Variants in LDB2 observed in about 807,000 individuals in gnomAD.
LDB2 encodes the protein LIM domain binding 2, also known as LIM domain-binding protein 2.
A neutral mutation model predicts 44.3 loss-of-function variants in LDB2; 12 were observed. The observed-to-expected ratio is 0.27, with a 90% CI of 0.17 to 0.44. The LOEUF (loss-of-function observed/expected upper bound fraction) is 0.44. LDB2 is among the 20% of genes least tolerant of loss of function. The pLI is 1.00. For synonymous variants in LDB2, 164 were observed against 174.8 expected (o/e 0.94, Z 0.49); for missense variants, 344 against 473.5 (o/e 0.73, Z 2.54).
chr4:16,606,201 C>T lies in LDB2; in HGVS notation c.236-10326G>A, dbSNP rs146406060. ...ATTTTTCTTTTATTAGTCAATAATA[C>T]GCTTTCAGCTTTAAATATGTTAGTG... On this transcript the variant is annotated intron_variant, in intron 2 of 7. Coordinates refer to ENST00000304523, the MANE Select transcript of LDB2 (RefSeq NM_001290.5). Among the ~76,000 whole-genome samples, 738 of 152,204 alleles carry T rather than the reference C, an allele frequency of 4.8e-3. 5 individuals are homozygous for T. The highest frequency in any genetic ancestry group is 0.017 in the African/African-American group (690 of 41,554).
rs995373194 is a variant in LDB2, at chr4:16,798,014, G to A, written c.133-38754C>T. On this transcript the variant is annotated intron_variant, in intron 1 of 7. Coordinates refer to ENST00000304523, the MANE Select transcript of LDB2 (RefSeq NM_001290.5). The stretch of plus-strand genomic sequence containing the variant: ...CATGCCACTGCACTCCAGCCTGGGC[G>A]ACAGAGCAAGACTCTGTCTCGAAAA... Among the ~76,000 whole-genome samples the A allele has an allele frequency of 7.0e-5, 10 of 142,390 alleles. No homozygotes were observed. The South Asian group carries it at 9.2e-4, about 13-fold the overall frequency. 93.4% of individuals were successfully genotyped at this position (142,390 alleles called of 152,430 possible). A position where few individuals can be genotyped will look rare whatever the true frequency, so the allele number is the denominator to read the frequency against.
chr4:16,714,909 C>T (rs1033633110), intron 2 of LDB2, among the ~76,000 whole-genome samples: 7 of 152,048 alleles, frequency 4.6e-5, no homozygotes, highest in Admixed American at 2.6e-4. Flanking sequence ...GATTTAGGAC[C>T]GCCTTAAATC....
chr4:16,815,835 G>A (rs1392433894), intron 1 of LDB2, among the ~76,000 whole-genome samples: 1 of 152,188 alleles, frequency 6.6e-6, no homozygotes, highest in Non-Finnish European at 1.5e-5. Flanking sequence ...ACAGTGACAT[G>A]TGGTCTTTCC....
At chr4:16,526,265 CCTT>C (rs1728204800) in intron 5 of LDB2, among the ~76,000 whole-genome samples, 1 of 152,056 alleles carries the variant, frequency 6.6e-6, no homozygotes, top group Non-Finnish European at 1.5e-5. Context: ...GCTGGGACAC[CCTT>C]CTTCTCCTGC....
chr4:16,629,305 T>C (rs182910452), intron 2 of LDB2, among the ~76,000 whole-genome samples: 5 of 152,266 alleles, frequency 3.3e-5, no homozygotes, highest in Non-Finnish European at 7.4e-5. Context: ...GCTCCAAAAA[T>C]GGACAGACTG....
intron 1 of LDB2, among the ~76,000 whole-genome samples, chr4:16,881,974 A>G (rs970278904): frequency 2.6e-5 from 4 of 152,230 alleles, no homozygotes; most frequent in African/African-American, 4.8e-5. Flanking sequence ...TCAATTAAAC[A>G]TAGGAATATG....
At chr4:16,591,608 G>A (rs1718976969) in intron 3 of LDB2, among the ~76,000 whole-genome samples, 1 of 152,106 alleles carries the variant, frequency 6.6e-6, no homozygotes. Context: ...TACACCCACA[G>A]CTTCCAGGCC....
chr4:16,575,397 C>G (rs1345402725), intron 5 of LDB2, among the ~76,000 whole-genome samples: 1 of 152,156 alleles, frequency 6.6e-6, no homozygotes, highest in African/African-American at 2.4e-5. Flanking sequence ...GACCACTCTT[C>G]CAGACAGAGA....
At chr4:16,695,252 C>T (rs1751831662) in intron 2 of LDB2, among the ~76,000 whole-genome samples, 1 of 152,080 alleles carries the variant, frequency 6.6e-6, no homozygotes, top group South Asian at 2.1e-4. Flanking sequence ...AATTATTGCT[C>T]TAGGCGGGGC....
rs138379733 is a variant in LDB2 at position 16,640,495 on chromosome 4, T to C, written c.236-44620A>G. On this transcript the variant is annotated intron_variant, in intron 2 of 7. Coordinates refer to ENST00000304523, the MANE Select transcript of LDB2 (RefSeq NM_001290.5). ...CAATATTAGGGATGAATGCTCAGTCTTCCTTCTTCATCATTATTTCTCAGA... is the reference window on the plus strand; with the variant it reads ...CAATATTAGGGATGAATGCTCAGTCCTCCTTCTTCATCATTATTTCTCAGA... Among the ~76,000 whole-genome samples, 421 of 152,298 alleles carry C rather than the reference T, an allele frequency of 2.8e-3. 1 individual carries two copies. Among genetic ancestry groups the C allele is most frequent in the African/African-American group, 9.9e-3 (410 of 41,576 alleles).
chr4:16,629,688 G>GA (rs1018454480), intron 2 of LDB2, among the ~76,000 whole-genome samples: 8 of 151,964 alleles, frequency 5.3e-5, no homozygotes, highest in Non-Finnish European at 1.0e-4. Flanking sequence ...TAAAAACCTT[G>GA]AAAAAAGGTT....
At chr4:16,817,810 G>C (rs2109932698) in intron 1 of LDB2, among the ~76,000 whole-genome samples, 1 of 152,242 alleles carries the variant, frequency 6.6e-6, no homozygotes, top group Admixed American at 6.5e-5. Context: ...AGTCAATCAA[G>C]TGAGTCTTGC....
At chr4:16,789,054 TA>T (rs1370170482) in intron 1 of LDB2, among the ~76,000 whole-genome samples, 4 of 152,154 alleles carry the variant, frequency 2.6e-5, no homozygotes, top group African/African-American at 4.8e-5. Context: ...TGGCTTTGGT[TA>T]AATTAGTTTG....
At chr4:16,507,723 C>CAA (rs1347631553) in intron 7 of LDB2, among the ~76,000 whole-genome samples, 1 of 152,004 alleles carries the variant, frequency 6.6e-6, no homozygotes, top group Non-Finnish European at 1.5e-5. Context: ...AGAGAAGGAA[C>CAA]AGAAGCACTT....
chr4:16,887,399 G>C (rs988201997), intron 1 of LDB2, among the ~76,000 whole-genome samples: 7 of 152,082 alleles, frequency 4.6e-5, no homozygotes, highest in African/African-American at 1.7e-4. Context: ...ATCTAATTTG[G>C]GACTAGTAGG....
At chr4:16,513,881 A>C (rs1033420783) in intron 5 of LDB2, among the ~76,000 whole-genome samples, 2 of 152,208 alleles carry the variant, frequency 1.3e-5, no homozygotes, top group African/African-American at 4.8e-5. Context: ...CGCCAAAGGT[A>C]GACATAAAAT....
intron 2 of LDB2, among the ~76,000 whole-genome samples, chr4:16,725,124 A>C (rs1759138750): frequency 6.6e-6 from 1 of 152,084 alleles, no homozygotes; most frequent in Non-Finnish European, 1.5e-5. Flanking sequence ...CTCTTGGATA[A>C]ATATATTAAA....
At chr4:16,633,293 G>A (rs553087309) in intron 2 of LDB2, among the ~76,000 whole-genome samples, 10 of 152,248 alleles carry the variant, frequency 6.6e-5, no homozygotes, top group African/African-American at 2.2e-4. Flanking sequence ...GTCATGGGGT[G>A]GAGGGATGGG....
chr4:16,749,833 C>G (rs764860944), intron 2 of LDB2, among the ~76,000 whole-genome samples: 14 of 151,958 alleles, frequency 9.2e-5, no homozygotes, highest in Non-Finnish European at 2.1e-4. Flanking sequence ...CTATTGAAAG[C>G]TTTGTATTTG....
Sources: allele counts gnomAD v4.1 joint callset (sites outside exome capture counted in the v4.1 genomes callset), GRCh38; gene constraint gnomAD v4.1.1; transcripts MANE v1.5; gene names NCBI Gene and HGNC (gene_info 2026-07-23, HGNC 2026-07-21).